The following NPAS3 variants were observed in gnomAD, a reference collection of about 807,000 sequenced individuals.
The protein encoded by NPAS3 is neuronal PAS domain protein 3.
Under a neutral mutation model 73.1 loss-of-function variants are expected in NPAS3, and 14 were observed. The ratio of observed to expected loss-of-function variants is 0.19; its 90% CI spans 0.13 to 0.30. NPAS3 has a LOEUF of 0.30. Among genes scored for constraint, NPAS3 ranks in the 10% least tolerant of loss-of-function variants. NPAS3 has a pLI of 1.00. For missense variants in NPAS3, 1,096 were observed against 1,250.0 expected, an observed-to-expected ratio of 0.88 and a Z score of 1.86; for synonymous variants, 620 against 541.5, an observed-to-expected ratio of 1.14 and a Z score of -2.01.
At position 33,796,140 on chromosome 14, in the gene NPAS3, G is replaced by C. The variant is rs190240671; in HGVS notation, c.1302-1317G>C. On this transcript the variant is annotated intron_variant, in intron 10 of 11. Transcript: ENST00000356141. ...GCAATATAGCAACTACAGAAGTTTG[G>C]TTTTCTTTCCCACATTCTTGTCTAT... 3.6e-4 allele frequency among the ~76,000 whole-genome samples: 55 copies of C among 152,154 alleles called. No individual in the cohort carries two copies. The East Asian group carries it at 9.5e-3, about 26-fold the overall frequency.
intron 3 of NPAS3, among the ~76,000 whole-genome samples, chr14:33,228,676 G>A (rs992964074): frequency 6.6e-6 from 1 of 151,944 alleles, no homozygotes; most frequent in East Asian, 1.9e-4. Flanking sequence ...GATGCAAAGT[G>A]GGGGAAAAAA....
At chr14:33,569,590 C>A (rs1228697381) in intron 5 of NPAS3, among the ~76,000 whole-genome samples, 1 of 151,990 alleles carries the variant, frequency 6.6e-6, no homozygotes. Context: ...CCCAGGTAAT[C>A]CTGTTTAGCA....
chr14:33,001,522 C>A (rs547835488), intron 1 of NPAS3, among the ~76,000 whole-genome samples: 3 of 152,068 alleles, frequency 2.0e-5, no homozygotes, highest in African/African-American at 7.2e-5. Context: ...CGTGCCCTGC[C>A]GTCACCTCAC....
At chr14:33,680,654 A>G (rs1424703672) in intron 6 of NPAS3, 3 of 702,696 alleles carry the variant, frequency 4.3e-6, no homozygotes, top group Non-Finnish European at 5.2e-6. Flanking sequence ...GACCCCTGTC[A>G]GGAAGAACAT....
intron 1 of NPAS3, among the ~76,000 whole-genome samples, chr14:32,985,953 C>G (rs1237926801): frequency 6.6e-6 from 1 of 152,108 alleles, no homozygotes; most frequent in Non-Finnish European, 1.5e-5. Context: ...GACATGGCTT[C>G]CCCGTGTCAT....
In NPAS3 at chr14:33,186,876, T is replaced by C. The variant is rs533379539; in HGVS notation, c.141-28306T>C. ...AGTCATCTCTGGAGCCATTTTTGGC[T>C]GCTACAACTGGGGAATTGCTACTGG... On this transcript the variant is annotated intron_variant, in intron 2 of 11. Transcript: ENST00000356141. Among the ~76,000 whole-genome samples the C allele has an allele frequency of 2.0e-5, 3 of 152,322 alleles. No homozygotes were observed. The South Asian group carries it at 6.2e-4, about 32-fold the overall frequency.
chr14:33,460,093 A>G (rs577108438), intron 4 of NPAS3, among the ~76,000 whole-genome samples: 5 of 152,356 alleles, frequency 3.3e-5, no homozygotes, highest in Admixed American at 1.3e-4. Context: ...CAAAAGGACT[A>G]CAAGGACTAT....
chr14:32,996,718 A>G (rs2038590227), intron 1 of NPAS3, among the ~76,000 whole-genome samples: 1 of 152,224 alleles, frequency 6.6e-6, no homozygotes, highest in African/African-American at 2.4e-5. Flanking sequence ...ATCTCCATCT[A>G]GATTTCAGAG....
intron 2 of NPAS3, among the ~76,000 whole-genome samples, chr14:33,169,559 C>T (rs970768225): frequency 6.6e-6 from 1 of 152,180 alleles, no homozygotes; most frequent in Non-Finnish European, 1.5e-5. Context: ...CAGAGCAAGA[C>T]TCTGTCTCAA....
In NPAS3 at chr14:33,718,473, T is replaced by C. The variant is rs1317625478; in HGVS notation, c.734-16741T>C. Among the ~76,000 whole-genome samples the C allele has an allele frequency of 5.9e-5, 9 of 152,214 alleles. No individual in the cohort carries two copies. In the East Asian group the frequency reaches 1.7e-3, roughly 29 times the overall value. On this transcript the variant is annotated intron_variant, in intron 6 of 11. Coordinates refer to ENST00000356141, the Ensembl canonical transcript of NPAS3. ...ATCTTATAGTCAGGTTCGTGACACC[T>C]ATCCATTTCTGAAATTTATCAGCCT...
At chr14:33,424,059 A>G (rs750071801) in intron 4 of NPAS3, among the ~76,000 whole-genome samples, 10 of 152,066 alleles carry the variant, frequency 6.6e-5, no homozygotes, top group Non-Finnish European at 1.3e-4. Flanking sequence ...TCACACATGA[A>G]AACAAAATTG....
intron 10 of NPAS3, among the ~76,000 whole-genome samples, chr14:33,797,081 C>A (rs1202197011): frequency 6.6e-6 from 1 of 152,122 alleles, no homozygotes; most frequent in Non-Finnish European, 1.5e-5. Context: ...TCATTAGGAG[C>A]CCAAGAGAAG....
chr14:33,802,008 A>G (rs1209402066), downstream of NPAS3: 1 of 152,136 alleles, frequency 6.6e-6, no homozygotes, highest in Admixed American at 6.5e-5. Context: ...CATTAAATTT[A>G]ATGGGTCAGT....
chr14:33,533,813 T>C (rs1383648195), intron 4 of NPAS3, among the ~76,000 whole-genome samples: 3 of 125,846 alleles, frequency 2.4e-5, no homozygotes, highest in African/African-American at 1.1e-4. Context: ...GGTTACAGAA[T>C]TTACATATAT....
intron 1 of NPAS3, among the ~76,000 whole-genome samples, chr14:32,966,200 T>A (rs1435489960): frequency 6.6e-6 from 1 of 151,988 alleles, no homozygotes; most frequent in Non-Finnish European, 1.5e-5. Flanking sequence ...GAAAAAGCAA[T>A]CCTAAAATTT....
At chr14:33,349,323 A>G (rs1032442318) in intron 3 of NPAS3, among the ~76,000 whole-genome samples, 9 of 152,228 alleles carry the variant, frequency 5.9e-5, no homozygotes, top group African/African-American at 2.2e-4. Context: ...AAACCAGGCT[A>G]CTAAGAGACA....
At chr14:33,742,995 C>A (rs2061691983) in intron 7 of NPAS3, among the ~76,000 whole-genome samples, 1 of 150,142 alleles carries the variant, frequency 6.7e-6, no homozygotes, top group South Asian at 2.1e-4. Context: ...ATTCTCTTGC[C>A]ATTTCCTTCA....
At chr14:33,744,477 T>G (rs1358803064) in intron 7 of NPAS3, among the ~76,000 whole-genome samples, 2 of 152,118 alleles carry the variant, frequency 1.3e-5, no homozygotes, top group African/African-American at 2.4e-5. Flanking sequence ...CACAGATCAC[T>G]ATAACAGGTA....
chr14:33,174,851 G>A (rs1045349736), intron 2 of NPAS3, among the ~76,000 whole-genome samples: 9 of 152,154 alleles, frequency 5.9e-5, no homozygotes, highest in African/African-American at 1.9e-4. Context: ...CAGCGATGGC[G>A]GGATTTGAAG....
Sources: gnomAD v4.1 joint callset for allele counts (sites outside exome capture counted in the v4.1 genomes callset) on GRCh38, gnomAD v4.1.1 for gene constraint, MANE v1.5 for transcripts, NCBI Gene and HGNC (gene_info 2026-07-23, HGNC 2026-07-21) for gene names.